RSU1: variants seen among roughly 807,000 people sequenced by gnomAD.
The protein encoded by RSU1 is Ras suppressor protein 1.
A neutral mutation model predicts 31.1 loss-of-function variants in RSU1; 26 were observed. The observed-to-expected ratio is 0.84, with a 90% confidence interval of 0.61 to 1.16. The LOEUF (loss-of-function observed/expected upper bound fraction) is 1.16. RSU1 is among the 50% of genes most tolerant of loss of function. The pLI, the probability that RSU1 is intolerant of heterozygous loss-of-function variation, is 0.00. For synonymous variants in RSU1, 164 were observed against 136.3 expected (o/e 1.20, Z -1.41); for missense variants, 320 against 339.1 (o/e 0.94, Z 0.44).
At chr10:16,775,959 C>T (rs45561531) in intron 3 of RSU1, among the ~76,000 whole-genome samples, 1 of 152,190 alleles carries the variant, frequency 6.6e-6, no homozygotes, top group Non-Finnish European at 1.5e-5. Context: ...AAGATAAATT[C>T]ATGACACAGA....
intron 2 of RSU1, among the ~76,000 whole-genome samples, chr10:16,811,256 G>C (rs74489437): frequency 9.9e-5 from 15 of 152,052 alleles, no homozygotes; most frequent in African/African-American, 3.6e-4. Flanking sequence ...ACACCATCTG[G>C]GTGTGTGTAG....
chr10:16,679,897 T>TA (rs1697561521), intron 8 of RSU1, among the ~76,000 whole-genome samples: 1 of 117,830 alleles, frequency 8.5e-6, no homozygotes, highest in African/African-American at 3.4e-5. Flanking sequence ...TTTTTTTTTT[T>TA]ATGAGACAGA....
In RSU1 at chr10:16,615,336, A is replaced by G. The variant is rs1833957468; in HGVS notation, c.732-21840T>C. 2.0e-5 allele frequency among the ~76,000 whole-genome samples: 3 copies of G among 152,340 alleles called. No homozygotes were observed. The Middle Eastern group carries it at 0.01, about 518-fold the overall frequency. ...ATCAATGCAACAAGAAGAGCAAACTATCCTAAATATAAATGCACCCAATAC... is the reference window on the plus strand; with the variant it reads ...ATCAATGCAACAAGAAGAGCAAACTGTCCTAAATATAAATGCACCCAATAC... On this transcript the variant is annotated intron_variant, in intron 8 of 8. Transcript: ENST00000345264.
chr10:16,684,232 G>T lies in RSU1; in HGVS notation c.731+10791C>A, dbSNP rs564781878. ...AATATAGCAAAGAAACATGTTTTGG[G>T]GTAAACGATTTTTATTTTCTTCTTT... On this transcript the variant is annotated intron_variant, in intron 8 of 8. Coordinates refer to ENST00000345264, the MANE Select transcript of RSU1 (RefSeq NM_012425.4). Among the ~76,000 whole-genome samples, 6 of 152,248 alleles carry T rather than the reference G, an allele frequency of 3.9e-5. No individual in the cohort carries two copies. The South Asian group carries it at 1.2e-3, about 31-fold the overall frequency.
At chr10:16,767,655 C>A (rs527769493) in intron 3 of RSU1, among the ~76,000 whole-genome samples, 1 of 152,102 alleles carries the variant, frequency 6.6e-6, no homozygotes, top group East Asian at 1.9e-4. Flanking sequence ...AACATGCAGA[C>A]CCTTCTGGAT....
intron 8 of RSU1, among the ~76,000 whole-genome samples, chr10:16,676,847 C>G (rs1446402797): frequency 1.3e-5 from 2 of 152,100 alleles, no homozygotes; most frequent in Non-Finnish European, 2.9e-5. Flanking sequence ...GAGGGTGTAT[C>G]TAGCAGAAAG....
chr10:16,783,665 TTTTTG>T (rs1243012067), intron 2 of RSU1, among the ~76,000 whole-genome samples: 4 of 152,242 alleles, frequency 2.6e-5, no homozygotes, highest in Admixed American at 2.6e-4. Context: ...CATGTTTTTT[TTTTTG>T]TTTTGTTTTT....
At chr10:16,647,998 G>C (rs1253003827) in intron 8 of RSU1, among the ~76,000 whole-genome samples, 1 of 151,868 alleles carries the variant, frequency 6.6e-6, no homozygotes, top group Non-Finnish European at 1.5e-5. Context: ...ACCCAGGCTG[G>C]AGTGTGGTGG....
At chr10:16,690,789 C>A (rs1835533651) in intron 8 of RSU1, among the ~76,000 whole-genome samples, 1 of 152,000 alleles carries the variant, frequency 6.6e-6, no homozygotes, top group South Asian at 2.1e-4. Context: ...TTCTTTATTC[C>A]TCTCATTTAG....
At chr10:16,619,415 T>A (rs1056148066) in intron 8 of RSU1, among the ~76,000 whole-genome samples, 2 of 152,204 alleles carry the variant, frequency 1.3e-5, no homozygotes, top group Non-Finnish European at 2.9e-5. Context: ...CTGCTGTGAT[T>A]CACAGTGAAC....
At chr10:16,651,755 T>C (rs1463450644) in intron 8 of RSU1, among the ~76,000 whole-genome samples, 4 of 152,356 alleles carry the variant, frequency 2.6e-5, no homozygotes, top group South Asian at 4.1e-4. Context: ...CAAATCTCAA[T>C]AGTACTTTAA....
chr10:16,650,774 G>A (rs1029239878), intron 8 of RSU1, among the ~76,000 whole-genome samples: 1 of 151,836 alleles, frequency 6.6e-6, no homozygotes, highest in Non-Finnish European at 1.5e-5. Flanking sequence ...GCAGAGATGA[G>A]GTTTCACCGT....
At chr10:16,633,677 G>T (rs1834294102) in intron 8 of RSU1, among the ~76,000 whole-genome samples, 1 of 152,152 alleles carries the variant, frequency 6.6e-6, no homozygotes, top group South Asian at 2.1e-4. Context: ...GGGAGGCCGT[G>T]AAAAGGACTC....
chr10:16,810,185 C>T (rs10795430), intron 2 of RSU1, among the ~76,000 whole-genome samples: 2 of 151,862 alleles, frequency 1.3e-5, no homozygotes, highest in Admixed American at 6.6e-5. Flanking sequence ...GAGCCAAGAT[C>T]GCGCCACTGC....
intron 8 of RSU1, among the ~76,000 whole-genome samples, chr10:16,613,781 A>C (rs1056177781): frequency 6.6e-6 from 1 of 152,074 alleles, no homozygotes; most frequent in Non-Finnish European, 1.5e-5. Context: ...ACTTTTATTA[A>C]AATGTCTACA....
chr10:16,743,429 T>G (rs1214189653), intron 7 of RSU1, among the ~76,000 whole-genome samples: 5 of 152,230 alleles, frequency 3.3e-5, no homozygotes, highest in Non-Finnish European at 7.3e-5. Flanking sequence ...TTGCCTACAT[T>G]ATACAACTGA....
intron 8 of RSU1, among the ~76,000 whole-genome samples, chr10:16,671,686 C>T (rs907828342): frequency 4.6e-5 from 7 of 151,950 alleles, no homozygotes; most frequent in Middle Eastern, 3.4e-3. Context: ...AGGGCAGTGG[C>T]GCGATTTTGG....
intron 2 of RSU1, among the ~76,000 whole-genome samples, chr10:16,790,585 C>G (rs1479602596): frequency 6.6e-6 from 1 of 152,130 alleles, no homozygotes; most frequent in East Asian, 1.9e-4. Context: ...CAATCCCAGG[C>G]TTATCTGAGC....
At chr10:16,803,167 C>T (rs971285703) in intron 2 of RSU1, among the ~76,000 whole-genome samples, 1 of 152,088 alleles carries the variant, frequency 6.6e-6, no homozygotes, top group Non-Finnish European at 1.5e-5. Flanking sequence ...CTAATAACTA[C>T]AGCAAGTTTG....
Sources: allele counts gnomAD v4.1 joint callset (sites outside exome capture counted in the v4.1 genomes callset), GRCh38; gene constraint gnomAD v4.1.1; transcripts MANE v1.5; gene names NCBI Gene and HGNC (gene_info 2026-07-23, HGNC 2026-07-21).